TNFSF4: variants seen among roughly 807,000 people sequenced by gnomAD.
TNFSF4 encodes tumor necrosis factor ligand superfamily member 4.
In TNFSF4, 4 loss-of-function variants were observed where a neutral mutation model predicts 7.3. The ratio of observed to expected loss-of-function variants is 0.55; its 90% CI spans 0.27 to 1.25. The LOEUF (loss-of-function observed/expected upper bound fraction) is 1.25. Among genes scored for constraint, TNFSF4 ranks in the 50% most tolerant of loss-of-function variants. The pLI is 0.12. For synonymous variants in TNFSF4, 76 were observed against 83.7 expected, an observed-to-expected ratio of 0.91 and a Z score of 0.50; for missense variants, 181 against 208.8, an observed-to-expected ratio of 0.87 and a Z score of 0.82.
chr1:173,363,150 C>T, the TNFSF4 span: 258 of 322,764 alleles, frequency 8.0e-4, 2 homozygotes, highest in African/African-American at 5.0e-3. Context: ...AGGGCCTGCA[C>T]TGTGGAAAGT....
At chr1:173,306,913 C>T in the TNFSF4 span, among the ~76,000 whole-genome samples, 10 of 151,828 alleles carry the variant, frequency 6.6e-5, no homozygotes, top group Non-Finnish European at 1.3e-4. Flanking sequence ...GACTTTGCAG[C>T]TTTGAGTCAG....
the TNFSF4 span, among the ~76,000 whole-genome samples, chr1:173,436,924 C>T: frequency 7.9e-5 from 12 of 152,076 alleles, no homozygotes; most frequent in African/African-American, 2.7e-4. Flanking sequence ...TTTTGGCTAC[C>T]GGGAGGTGAT....
the TNFSF4 span, among the ~76,000 whole-genome samples, chr1:173,307,374 C>G: frequency 6.6e-6 from 1 of 151,768 alleles, no homozygotes; most frequent in African/African-American, 2.4e-5. Context: ...ACACAATGTA[C>G]ACAACAACTA....
At chr1:173,245,102 G>A in the TNFSF4 span, among the ~76,000 whole-genome samples, 3 of 151,150 alleles carry the variant, frequency 2.0e-5, no homozygotes, top group Non-Finnish European at 4.4e-5. Context: ...TGACTTAGAG[G>A]GTACCACCAC....
At chr1:173,376,915 G>C in the TNFSF4 span, among the ~76,000 whole-genome samples, 2 of 152,076 alleles carry the variant, frequency 1.3e-5, no homozygotes, top group Non-Finnish European at 2.9e-5. Flanking sequence ...CACAAACCCA[G>C]AGGGAGGAAC....
At chr1:173,228,990 A>G in the TNFSF4 span, among the ~76,000 whole-genome samples, 1 of 152,248 alleles carries the variant, frequency 6.6e-6, no homozygotes, top group Admixed American at 6.5e-5. Context: ...AATGGAACCA[A>G]GTTGGGAAAC....
the TNFSF4 span, among the ~76,000 whole-genome samples, chr1:173,354,971 G>A: frequency 1.3e-5 from 2 of 152,136 alleles, no homozygotes; most frequent in Non-Finnish European, 2.9e-5. Flanking sequence ...GGTTTTGAAG[G>A]TCAGAAGTCC....
chr1:173,333,593 A>G, the TNFSF4 span, among the ~76,000 whole-genome samples: 1 of 152,074 alleles, frequency 6.6e-6, no homozygotes, highest in Non-Finnish European at 1.5e-5. Flanking sequence ...GGAGATAAGA[A>G]GAGGAGAAAC....
rs1159348873 is a variant in TNFSF4 at position 173,188,394 on chromosome 1, G to T, written c.202+127C>A. On this transcript the variant is annotated intron_variant, in intron 2 of 2. Transcript: ENST00000281834. Reference sequence around the variant, plus strand: ...TAATATGCAGGCTACAACAATTCTGGGATTTAATTGGAATTTAATTCCTTC... The same window carrying T: ...TAATATGCAGGCTACAACAATTCTGTGATTTAATTGGAATTTAATTCCTTC... 8.2e-6 allele frequency: 6 copies of T among 730,546 alleles called. No individual in the cohort carries two copies. In the Admixed American group the frequency reaches 1.6e-4, roughly 20 times the overall value. 45.3% of individuals were successfully genotyped at this position (730,546 alleles called of 1,614,324 possible). A position where few individuals can be genotyped will look rare whatever the true frequency, so the allele number is the denominator to read the frequency against.
the TNFSF4 span, among the ~76,000 whole-genome samples, chr1:173,219,173 C>T: frequency 6.6e-6 from 1 of 152,212 alleles, no homozygotes; most frequent in Non-Finnish European, 1.5e-5. Flanking sequence ...CTCTAGCCTT[C>T]TCTGTGGACC....
At chr1:173,422,326 GAAAAAAAAAAAA>G in the TNFSF4 span, among the ~76,000 whole-genome samples, 6 of 89,046 alleles carry the variant, frequency 6.7e-5, no homozygotes, top group Admixed American at 6.8e-4. Context: ...TGCCCAGAGT[GAAAAAAAAAAAA>G]AAAAAAAGGA....
the TNFSF4 span, among the ~76,000 whole-genome samples, chr1:173,259,136 G>A: frequency 2.6e-5 from 4 of 152,264 alleles, no homozygotes; most frequent in South Asian, 8.3e-4. Flanking sequence ...AGCTCCCAGA[G>A]GAAGAAGCAG....
In TNFSF4 at chr1:173,186,245, T is replaced by C. The variant is rs1649219621; in HGVS notation, c.*271A>G. ...AGAAGAGGCATCTATTTTTTCTTTC[T>C]CACAAAGGTGCCTAGTAGGCTCAAG... On this transcript the variant is annotated 3_prime_UTR_variant, in exon 3 of 3. Coordinates refer to ENST00000281834, the MANE Select transcript of TNFSF4 (RefSeq NM_003326.5). 1 of 346,456 alleles carries C rather than the reference T, an allele frequency of 2.9e-6. No homozygotes were observed. The highest frequency in any genetic ancestry group is 4.3e-5 in the Admixed American group (1 of 23,394). 21.5% of individuals were successfully genotyped at this position (346,456 alleles called of 1,614,324 possible).
the TNFSF4 span, among the ~76,000 whole-genome samples, chr1:173,313,163 C>T: frequency 1.3e-5 from 2 of 152,044 alleles, no homozygotes; most frequent in Non-Finnish European, 2.9e-5. Flanking sequence ...AAGGGTCCCC[C>T]CTACATAAAA....
chr1:173,355,080 T>C, the TNFSF4 span, among the ~76,000 whole-genome samples: 4 of 152,332 alleles, frequency 2.6e-5, no homozygotes, highest in East Asian at 7.7e-4. Flanking sequence ...TTCCAGCTTC[T>C]AGCAGCCACC....
At chr1:173,387,710 G>C in the TNFSF4 span, among the ~76,000 whole-genome samples, 1 of 152,036 alleles carries the variant, frequency 6.6e-6, no homozygotes, top group Non-Finnish European at 1.5e-5. Flanking sequence ...AAAATATCAG[G>C]TTTTTAGAGC....
At chr1:173,417,225 T>G in the TNFSF4 span, among the ~76,000 whole-genome samples, 1 of 152,206 alleles carries the variant, frequency 6.6e-6, no homozygotes, top group African/African-American at 2.4e-5. Flanking sequence ...CCCCACTGAT[T>G]ATCAGCTTTG....
At chr1:173,262,457 C>A in the TNFSF4 span, among the ~76,000 whole-genome samples, 1 of 152,162 alleles carries the variant, frequency 6.6e-6, no homozygotes, top group East Asian at 1.9e-4. Flanking sequence ...TCCTATTCAA[C>A]CTAGTATTGG....
chr1:173,367,311 G>T, the TNFSF4 span, among the ~76,000 whole-genome samples: 1 of 152,266 alleles, frequency 6.6e-6, no homozygotes, highest in East Asian at 1.9e-4. Context: ...TTCATCTGAC[G>T]ATACAGCCTC....
Sources: gnomAD v4.1 joint callset for allele counts (sites outside exome capture counted in the v4.1 genomes callset) on GRCh38, gnomAD v4.1.1 for gene constraint, MANE v1.5 for transcripts, NCBI Gene and HGNC (gene_info 2026-07-23, HGNC 2026-07-21) for gene names.